BCKDHB: variants seen among roughly 807,000 people sequenced by gnomAD.
BCKDHB encodes 2-oxoisovalerate dehydrogenase subunit beta, mitochondrial.
In BCKDHB, 41 loss-of-function variants were observed where a neutral mutation model predicts 48.5. The ratio of observed to expected loss-of-function variants is 0.85; its 90% CI spans 0.66 to 1.10. The LOEUF (loss-of-function observed/expected upper bound fraction) is 1.10, where lower values mean the gene tolerates loss of function less well. Among genes scored for constraint, BCKDHB ranks in the 50% least tolerant of loss-of-function variants. BCKDHB has a pLI of 0.00. For synonymous variants in BCKDHB, 201 were observed against 174.8 expected (o/e 1.15, Z -1.18); for missense variants, 496 against 494.2 (o/e 1.00, Z -0.03).
chr6:80,281,809 T>C (rs1305022641), intron 9 of BCKDHB, among the ~76,000 whole-genome samples: 1 of 151,734 alleles, frequency 6.6e-6, no homozygotes, highest in Non-Finnish European at 1.5e-5. Flanking sequence ...TTTAAACATC[T>C]ATCAAACCTG....
chr6:80,316,311 G>A (rs186951477), intron 9 of BCKDHB, among the ~76,000 whole-genome samples: 7 of 151,654 alleles, frequency 4.6e-5, no homozygotes, highest in Admixed American at 1.3e-4. Flanking sequence ...TTTTGTTTGC[G>A]TATGAAAAGT....
intron 3 of BCKDHB, among the ~76,000 whole-genome samples, chr6:80,138,815 C>G (rs940003298): frequency 5.3e-5 from 8 of 152,264 alleles, no homozygotes; most frequent in Non-Finnish European, 1.0e-4. Flanking sequence ...TGGGTATATA[C>G]CCAGTAATGG....
At chr6:80,435,095 TA>T in the BCKDHB span, among the ~76,000 whole-genome samples, 1 of 152,208 alleles carries the variant, frequency 6.6e-6, no homozygotes, top group Non-Finnish European at 1.5e-5. Flanking sequence ...AAACTATTTC[TA>T]GGCAGCAAAC....
the BCKDHB span, among the ~76,000 whole-genome samples, chr6:80,360,781 G>A: frequency 6.4e-4 from 97 of 152,032 alleles, 1 homozygote; most frequent in South Asian, 0.017. Flanking sequence ...TGCGGTGGGC[G>A]ACTCACTTGG....
intron 8 of BCKDHB, among the ~76,000 whole-genome samples, chr6:80,253,088 GT>G (rs1308587389): frequency 1.3e-5 from 2 of 152,166 alleles, no homozygotes; most frequent in Non-Finnish European, 2.9e-5. Context: ...ATATCTTGTA[GT>G]TTTTAGTTTG....
intron 9 of BCKDHB, among the ~76,000 whole-genome samples, chr6:80,296,620 G>T (rs1562211416): frequency 6.6e-6 from 1 of 151,682 alleles, no homozygotes; most frequent in African/African-American, 2.4e-5. Flanking sequence ...TGACCATAAG[G>T]TAATAGTCTC....
At chr6:80,400,350 A>G in the BCKDHB span, among the ~76,000 whole-genome samples, 1 of 152,074 alleles carries the variant, frequency 6.6e-6, no homozygotes, top group Non-Finnish European at 1.5e-5. Flanking sequence ...GCCAGCATCT[A>G]TGAAAAACTT....
the BCKDHB span, among the ~76,000 whole-genome samples, chr6:80,396,295 C>T: frequency 3.9e-4 from 60 of 152,324 alleles, no homozygotes; most frequent in African/African-American, 1.4e-3. Context: ...ACAGGGCTGG[C>T]CACTTTCTCC....
intron 4 of BCKDHB, 84 bp from the exon 5 acceptor site, chr6:80,168,791 A>AAGGG (rs1554189743): frequency 4.6e-6 from 5 of 1,083,018 alleles, no homozygotes; most frequent in Non-Finnish European, 5.3e-6. Flanking sequence ...GGAAGGAAGG[A>AAGGG]AGGGAGGGAG....
chr6:80,287,325 C>T (rs1179331526), intron 9 of BCKDHB, among the ~76,000 whole-genome samples: 1 of 152,072 alleles, frequency 6.6e-6, no homozygotes, highest in Non-Finnish European at 1.5e-5. Context: ...TGTCAGCCAC[C>T]ATAGTATGCA....
chr6:80,147,213 TAACTTCCCCAGGTTTCAC>T (rs1384722733), intron 3 of BCKDHB, among the ~76,000 whole-genome samples: 1 of 152,130 alleles, frequency 6.6e-6, no homozygotes, highest in African/African-American at 2.4e-5. Context: ...AGAGGTAAAA[TAACTTCCCCAGGTTTCAC>T]AACTGAAACC....
intron 6 of BCKDHB, among the ~76,000 whole-genome samples, chr6:80,183,716 C>T (rs1582306080): frequency 6.6e-6 from 1 of 152,218 alleles, no homozygotes; most frequent in South Asian, 2.1e-4. Flanking sequence ...TTTCCACTGT[C>T]CTAGAAATTT....
At chr6:80,167,630 C>T (rs1368522030) in intron 3 of BCKDHB, 48 bp from the exon 4 acceptor site, 5 of 1,521,170 alleles carry the variant, frequency 3.3e-6, no homozygotes, top group Non-Finnish European at 4.6e-6. Context: ...TTATGCATGA[C>T]ATTACTCTCA....
At chr6:80,414,187 A>G in the BCKDHB span, among the ~76,000 whole-genome samples, 2 of 151,728 alleles carry the variant, frequency 1.3e-5, no homozygotes, top group Non-Finnish European at 2.9e-5. Context: ...TTTCTCATTG[A>G]TGTTAGTTAT....
the BCKDHB span, among the ~76,000 whole-genome samples, chr6:80,422,617 G>A: frequency 3.4e-4 from 51 of 152,234 alleles, no homozygotes; most frequent in Non-Finnish European, 1.0e-4. Flanking sequence ...CAAGGCCTTA[G>A]GAGTGCACTT....
chr6:80,382,394 G>C, the BCKDHB span, among the ~76,000 whole-genome samples: 3 of 152,034 alleles, frequency 2.0e-5, no homozygotes, highest in Non-Finnish European at 4.4e-5. Flanking sequence ...TGGAGCCAAA[G>C]GTTATCTTCA....
chr6:80,255,682 C>G (rs2127942250), intron 8 of BCKDHB, among the ~76,000 whole-genome samples: 1 of 152,168 alleles, frequency 6.6e-6, no homozygotes, highest in African/African-American at 2.4e-5. Flanking sequence ...GGGATGCAAG[C>G]CATGGATTTG....
At chr6:80,247,446 C>A (rs904408155) in intron 8 of BCKDHB, among the ~76,000 whole-genome samples, 1 of 152,298 alleles carries the variant, frequency 6.6e-6, no homozygotes, top group Middle Eastern at 3.4e-3. Context: ...AGGCTGATTT[C>A]CACACATATT....
chr6:80,433,468 A>G, the BCKDHB span, among the ~76,000 whole-genome samples: 9 of 151,862 alleles, frequency 5.9e-5, no homozygotes, highest in Admixed American at 5.2e-4. Flanking sequence ...TAAGGGGAAA[A>G]CCGCCTACTC....
Sources: allele counts gnomAD v4.1 joint callset (sites outside exome capture counted in the v4.1 genomes callset), GRCh38; gene constraint gnomAD v4.1.1; transcripts MANE v1.5; gene names NCBI Gene and HGNC (gene_info 2026-07-23, HGNC 2026-07-21).